The following KLHL1 variants were observed in gnomAD, a reference collection of about 807,000 sequenced individuals.
KLHL1 encodes the protein kelch-like protein 1.
In KLHL1, 47 loss-of-function variants were observed where a neutral mutation model predicts 77.7. That is an observed-to-expected ratio of 0.60 (90% CI 0.48 to 0.77). The LOEUF (loss-of-function observed/expected upper bound fraction) is 0.77, where lower values mean the gene tolerates loss of function less well. Among genes scored for constraint, KLHL1 ranks in the 30% least tolerant of loss-of-function variants. The probability of loss-of-function intolerance (pLI) is 0.00; values close to 1 mark genes in which losing one functional copy is unlikely to be tolerated. For missense variants in KLHL1, 925 were observed against 910.8 expected, an observed-to-expected ratio of 1.02 and a Z score of -0.20; for synonymous variants, 360 against 325.2, an observed-to-expected ratio of 1.11 and a Z score of -1.15.
At chr13:69,979,260 C>T (rs930266918) in intron 1 of KLHL1, among the ~76,000 whole-genome samples, 1 of 151,562 alleles carries the variant, frequency 6.6e-6, no homozygotes, top group African/African-American at 2.4e-5. Context: ...TCTGAGAACA[C>T]ATTACTTCTC....
chr13:70,037,439 A>G (rs892519102), intron 1 of KLHL1, among the ~76,000 whole-genome samples: 1 of 152,118 alleles, frequency 6.6e-6, no homozygotes, highest in African/African-American at 2.4e-5. Context: ...TGGTTGAATC[A>G]GGGTCTTCCT....
chr13:69,880,101 A>G (rs1289897859), intron 5 of KLHL1, among the ~76,000 whole-genome samples: 1 of 152,154 alleles, frequency 6.6e-6, no homozygotes, highest in Non-Finnish European at 1.5e-5. Flanking sequence ...ATCTCTGTGT[A>G]TATTCATATC....
chr13:70,008,804 G>C (rs997417337), intron 1 of KLHL1, among the ~76,000 whole-genome samples: 1 of 152,068 alleles, frequency 6.6e-6, no homozygotes, highest in Non-Finnish European at 1.5e-5. Context: ...TTATTCACCA[G>C]TATGAATCTG....
At chr13:69,879,557 T>G (rs965227289) in intron 5 of KLHL1, among the ~76,000 whole-genome samples, 3 of 152,178 alleles carry the variant, frequency 2.0e-5, no homozygotes, top group African/African-American at 7.2e-5. Context: ...AAACCTTACG[T>G]TAATGAATCC....
intron 3 of KLHL1, 109 bp downstream of exon 3, chr13:69,961,194 TGAAAA>T: frequency 3.1e-6 from 3 of 970,128 alleles, no homozygotes; most frequent in Non-Finnish European, 4.5e-6. Context: ...AGTTTTCAAC[TGAAAA>T]GATACAGAAT....
intron 7 of KLHL1, 118 bp from the exon 8 acceptor site, chr13:69,740,674 A>C (rs1873952492): frequency 1.6e-6 from 1 of 644,020 alleles, no homozygotes; most frequent in African/African-American, 1.8e-5. Context: ...AATGAAAAAA[A>C]ATTAAAAATT....
chr13:70,092,060 G>A (rs878939829), intron 1 of KLHL1, among the ~76,000 whole-genome samples: 1 of 152,070 alleles, frequency 6.6e-6, no homozygotes, highest in Non-Finnish European at 1.5e-5. Context: ...AGCCACCAAG[G>A]AAATGAATTT....
chr13:69,895,112 G>T, intron 4 of KLHL1: 1 of 463,582 alleles, frequency 2.2e-6, no homozygotes, highest in South Asian at 1.7e-5. Context: ...TTCTTCTAAT[G>T]GTTTCATTTG....
chr13:69,818,200 T>C (rs2138073669), intron 6 of KLHL1, among the ~76,000 whole-genome samples: 1 of 151,156 alleles, frequency 6.6e-6, no homozygotes, highest in South Asian at 2.1e-4. Context: ...AATAAGAATT[T>C]AACTTAACTC....
chr13:69,999,828 A>G (rs1885243501), intron 1 of KLHL1, among the ~76,000 whole-genome samples: 1 of 152,106 alleles, frequency 6.6e-6, no homozygotes, highest in Non-Finnish European at 1.5e-5. Context: ...AAAGGCTAGC[A>G]TTATTAACCC....
chr13:69,916,109 T>C (rs1002846910), intron 4 of KLHL1, among the ~76,000 whole-genome samples: 5 of 152,094 alleles, frequency 3.3e-5, no homozygotes, highest in Non-Finnish European at 7.4e-5. Flanking sequence ...GGAGAGGTTG[T>C]GGAGAAATAG....
chr13:69,863,571 A>G (rs1593898607), intron 5 of KLHL1, among the ~76,000 whole-genome samples: 1 of 152,032 alleles, frequency 6.6e-6, no homozygotes, highest in Non-Finnish European at 1.5e-5. Flanking sequence ...TTTATATTTG[A>G]ATTTATGATT....
At chr13:70,080,048 A>C (rs1887357348) in intron 1 of KLHL1, among the ~76,000 whole-genome samples, 1 of 152,164 alleles carries the variant, frequency 6.6e-6, no homozygotes, top group South Asian at 2.1e-4. Flanking sequence ...ATAGGTACCA[A>C]GATGTGTTTT....
intron 3 of KLHL1, among the ~76,000 whole-genome samples, chr13:69,947,061 TGTGTGTGTGTGTGA>T (rs1883555437): frequency 7.3e-6 from 1 of 137,698 alleles, no homozygotes; most frequent in Non-Finnish European, 1.5e-5. Context: ...TGTGTGTGTG[TGTGTGTGTGTGTGA>T]AGATCTTCTT....
At chr13:69,718,282 T>C (rs1005931309) in intron 9 of KLHL1, among the ~76,000 whole-genome samples, 1 of 152,120 alleles carries the variant, frequency 6.6e-6, no homozygotes, top group Non-Finnish European at 1.5e-5. Context: ...ATGTTACTGG[T>C]TTATCATTGT....
At chr13:69,815,092 T>C (rs1878063381) in intron 6 of KLHL1, among the ~76,000 whole-genome samples, 1 of 152,190 alleles carries the variant, frequency 6.6e-6, no homozygotes, top group East Asian at 1.9e-4. Flanking sequence ...GGAATGCTTA[T>C]ATACTGTTGG....
At chr13:69,756,646 A>C (rs141948898) in intron 7 of KLHL1, among the ~76,000 whole-genome samples, 21 of 152,314 alleles carry the variant, frequency 1.4e-4, no homozygotes, top group African/African-American at 5.1e-4. Flanking sequence ...AACATGGTAA[A>C]TTAAGTAACT....
intron 1 of KLHL1, among the ~76,000 whole-genome samples, chr13:69,980,489 G>A (rs1884673744): frequency 6.6e-6 from 1 of 151,928 alleles, no homozygotes; most frequent in South Asian, 2.1e-4. Context: ...TCTAGTTTCA[G>A]CTACACCAAA....
intron 7 of KLHL1, among the ~76,000 whole-genome samples, chr13:69,785,440 A>T (rs966408032): frequency 7.9e-5 from 12 of 152,166 alleles, no homozygotes; most frequent in Non-Finnish European, 1.8e-4. Flanking sequence ...AGAAATAAAG[A>T]TGTTCTTTGA....
Sources: allele counts gnomAD v4.1 joint callset (sites outside exome capture counted in the v4.1 genomes callset), GRCh38; gene constraint gnomAD v4.1.1; transcripts MANE v1.5; gene names NCBI Gene and HGNC (gene_info 2026-07-23, HGNC 2026-07-21).